Variants in RBM3 observed in about 807,000 individuals in gnomAD.
The protein encoded by RBM3 is RNA-binding protein 3.
In RBM3, 3 loss-of-function variants were observed where a neutral mutation model predicts 12.0. That is an observed-to-expected ratio of 0.25 (90% CI 0.11 to 0.65). RBM3 has a LOEUF of 0.65. Among genes scored for constraint, RBM3 ranks in the 30% least tolerant of loss-of-function variants. The pLI, the probability that RBM3 is intolerant of heterozygous loss-of-function variation, is 0.84. For synonymous variants in RBM3, 58 were observed against 45.7 expected (o/e 1.27, Z -1.08); for missense variants, 108 against 134.5 (o/e 0.80, Z 0.97).
rs1415274849 is a variant in RBM3 at position 48,575,231 on chromosome X, C to T, written c.51C>T (p.Thr17=). ...TCGTGGGAGGGCTCAACTTTAACAC[C>T]GACGAGCAGGCACTGGAAGACCACT... The part of the protein sequence containing the change: ...KLFVGGLNFN[T]DEQALEDHFS... Residue 17 remains threonine (T), a synonymous_variant, in exon 2 of 7, where the codon ACC becomes ACT. Coordinates refer to ENST00000376759, the MANE Select transcript of RBM3 (RefSeq NM_006743.5). 3 of 1,208,236 alleles carry T rather than the reference C, an allele frequency of 2.5e-6. No homozygotes were observed. Among genetic ancestry groups the T allele is most frequent in the African/African-American group, 1.8e-5 (1 of 56,946 alleles).
chrX:48,578,934 A>C lies in RBM3; in HGVS notation c.*1493A>C, dbSNP rs2062092566. 1 of 111,701 alleles carries C rather than the reference A, an allele frequency of 9.0e-6. No individual in the cohort carries two copies. Among genetic ancestry groups the C allele is most frequent in the East Asian group, 2.8e-4 (1 of 3,565 alleles). The allele number at this position is 111,701 out of a possible 1,213,427, so 9.2% of individuals were successfully genotyped here. A position where few individuals can be genotyped will look rare whatever the true frequency, so the allele number is the denominator to read the frequency against. Reference sequence around the variant, plus strand: ...TTATGTAGGGGCTCTTCTACTTCCCAGGTATTTGACCTCAGGTGAGTCATT... The same window carrying C: ...TTATGTAGGGGCTCTTCTACTTCCCCGGTATTTGACCTCAGGTGAGTCATT... On this transcript the variant is annotated 3_prime_UTR_variant, in exon 7 of 7. Transcript: ENST00000376759.
At position 48,580,894 on chromosome X, in the gene RBM3, C is replaced by T. The variant is rs1164960335; in HGVS notation, c.*3453C>T. The stretch of plus-strand genomic sequence containing the variant: ...ATAAGCCAGTGTTCTGCCATTCTTA[C>T]CTGCTTATCAAGACAAAACCTGCTC... On this transcript the variant is annotated 3_prime_UTR_variant, in exon 7 of 7. Coordinates refer to ENST00000376759, the MANE Select transcript of RBM3 (RefSeq NM_006743.5). 2 of 111,295 alleles carry T rather than the reference C, an allele frequency of 1.8e-5. No individual in the cohort carries two copies. The highest frequency in any genetic ancestry group is 3.8e-5 in the Non-Finnish European group (2 of 53,100). The allele number at this position is 111,295 out of a possible 1,213,427, so 9.2% of individuals were successfully genotyped here. A position where few individuals can be genotyped will look rare whatever the true frequency, so the allele number is the denominator to read the frequency against.
chrX:48,575,164 A>C lies in RBM3; in HGVS notation c.-13-4A>C. The C allele has an allele frequency of 5.1e-6, 6 of 1,172,544 alleles. No individual in the cohort carries two copies. The highest frequency in any genetic ancestry group is 6.9e-6 in the Non-Finnish European group (6 of 863,816). On this transcript the variant is annotated splice_polypyrimidine_tract_variant and splice_region_variant and intron_variant, in intron 1 of 6. Coordinates refer to ENST00000376759, the MANE Select transcript of RBM3 (RefSeq NM_006743.5). ...TGCCACCATTCTTCATGTTCTTCCC[A>C]CAGGACTTGAACTGCCATGTCCTCT... is the stretch of plus-strand genomic sequence containing the variant.
intron 3 of RBM3, chrX:48,576,105 A>G: frequency 5.2e-6 from 6 of 1,149,396 alleles, no homozygotes; most frequent in East Asian, 3.3e-5. Flanking sequence ...CAAGGGGAAC[A>G]TGGTGCATTC....
chrX:48,576,706 G>A (rs1556989368), intron 5 of RBM3, 102 bp downstream of exon 5: 2 of 1,080,621 alleles, frequency 1.9e-6, no homozygotes, highest in African/African-American at 3.8e-5. Flanking sequence ...TTACTAATGT[G>A]TACCTAAAAT....
chrX:48,577,405 G>A (rs1556989577), intron 6 of RBM3, 60 bp from the exon 7 acceptor site: 2 of 877,360 alleles, frequency 2.3e-6, no homozygotes, highest in African/African-American at 4.0e-5. Context: ...TCTAGGAGGT[G>A]AGCATGTTGT....
rs1006112553 is a variant in RBM3, at chrX:48,575,735, C to T, written c.210+68C>T. On this transcript the variant is annotated intron_variant, in intron 3 of 6. Coordinates refer to ENST00000376759, the MANE Select transcript of RBM3 (RefSeq NM_006743.5). ...GCTTCCTTCATTCTTTTTGTTTTTC[C>T]CTCTGTGTCTGCTCGGGGCAGCGTG... 17 of 1,023,245 alleles carry T rather than the reference C, an allele frequency of 1.7e-5. 1 individual carries two copies. Among genetic ancestry groups the T allele is most frequent in the Middle Eastern group, 2.6e-4 (1 of 3,893 alleles). 84.3% of individuals were successfully genotyped at this position (1,023,245 alleles called of 1,213,427 possible).
In RBM3 at chrX:48,575,610, C is replaced by T; in HGVS notation, c.153C>T (p.Phe51=). Residue 51 remains phenylalanine (F), a synonymous_variant, in exon 3 of 7, where the codon TTC becomes TTT. Transcript: ENST00000376759. ...RETQRSRGFG[F]ITFTNPEHAS... The stretch of plus-strand genomic sequence containing the variant: ...CTCAGCGGTCCAGGGGTTTTGGTTT[C>T]ATCACCTTCACCAACCCAGAGCATG... 2 of 1,211,858 alleles carry T rather than the reference C, an allele frequency of 1.7e-6. No individual in the cohort carries two copies. The highest frequency in any genetic ancestry group is 2.2e-6 in the Non-Finnish European group (2 of 895,479).
chrX:48,574,814 C>G, intron 1 of RBM3: 1 of 339,624 alleles, frequency 2.9e-6, no homozygotes, highest in Non-Finnish European at 5.7e-6. Flanking sequence ...GCAGTGACCA[C>G]GCGACAGCCG....
intron 6 of RBM3, 150 bp downstream of exon 6, chrX:48,577,259 C>A: frequency 9.0e-7 from 1 of 1,114,648 alleles, no homozygotes; most frequent in South Asian, 2.2e-5. Context: ...GCCTTCCTTG[C>A]TCTCAGGTGC....
At position 48,580,358 on chromosome X, in the gene RBM3, AAAT is replaced by A. The variant is rs1413638480; in HGVS notation, c.*2925_*2927del. 9.0e-6 allele frequency among the ~76,000 whole-genome samples: 1 copy of A among 111,629 alleles called. No homozygotes were observed. Among genetic ancestry groups the A allele is most frequent in the Admixed American group, 9.6e-5 (1 of 10,372 alleles). ...CTCAGTTATAACATCCATAAAATGG[AAAT>A]AATAATACCCACCTCACACAGGGGT... On this transcript the variant is annotated 3_prime_UTR_variant, in exon 7 of 7. Transcript: ENST00000376759.
rs1209612421 is a variant in RBM3 at position 48,574,969 on chromosome X, CT to C, written c.-13-198del. The C allele has an allele frequency of 1.8e-5, 8 of 450,187 alleles. No homozygotes were observed. The African/African-American group carries it at 1.9e-4, about 11-fold the overall frequency. 37.1% of individuals were successfully genotyped at this position (450,187 alleles called of 1,213,427 possible). The stretch of plus-strand genomic sequence containing the variant: ...GTGAGAGCATGCGCAATGTGGCCCC[CT>C]AATGGTGGCTGCGCTGAGCCAGCTC... On this transcript the variant is annotated intron_variant, in intron 1 of 6. Coordinates refer to ENST00000376759, the MANE Select transcript of RBM3 (RefSeq NM_006743.5).
chrX:48,575,780 C>T, intron 3 of RBM3, 113 bp downstream of exon 3: 1 of 727,117 alleles, frequency 1.4e-6, no homozygotes, highest in South Asian at 2.7e-5. Flanking sequence ...CCCCGCAGTG[C>T]CCACTCACAG....
intron 1 of RBM3, 110 bp from the exon 2 acceptor site, chrX:48,575,058 C>T: frequency 5.2e-6 from 3 of 574,131 alleles, no homozygotes; most frequent in East Asian, 3.6e-5. Context: ...TATTTTGTTC[C>T]TCTTTCTTGT....
Position 48,578,336 on chromosome X carries a change from G to T in RBM3, c.*895G>T, listed in dbSNP as rs1602133924. 9.0e-6 allele frequency: 1 copy of T among 111,278 alleles called. No homozygotes were observed. Among genetic ancestry groups the T allele is most frequent in the South Asian group, 3.7e-4 (1 of 2,694 alleles). 9.2% of individuals were successfully genotyped at this position (111,278 alleles called of 1,213,427 possible). A position where few individuals can be genotyped will look rare whatever the true frequency, so the allele number is the denominator to read the frequency against. ...CCCATTTTGCAAATTAAAAGTGGGG[G>T]CAGAGGTGGGCGGATCACCTGAGGT... On this transcript the variant is annotated 3_prime_UTR_variant, in exon 7 of 7. Transcript: ENST00000376759.
intron 6 of RBM3, 42 bp downstream of exon 6, chrX:48,577,151 ACT>A (rs781977508): frequency 1.8e-5 from 22 of 1,207,886 alleles, no homozygotes; most frequent in Non-Finnish European, 2.5e-5. Context: ...TGTTTGTCAC[ACT>A]CTGTCATGAC....
chrX:48,576,084 G>GCTT, intron 3 of RBM3: 1 of 1,134,208 alleles, frequency 8.8e-7, no homozygotes, highest in Non-Finnish European at 1.2e-6. Context: ...CAGTCAAGAT[G>GCTT]TAAGTAGTAG....
At chrX:48,576,732 C>T (rs1248323959) in intron 5 of RBM3, 128 bp downstream of exon 5, 4 of 1,023,625 alleles carry the variant, frequency 3.9e-6, no homozygotes, top group Non-Finnish European at 5.1e-6. Flanking sequence ...TGAAATTTAG[C>T]ATTTTAAGTT....
At chrX:48,574,701 G>C (rs2062071864) in intron 1 of RBM3, 128 bp downstream of exon 1, 1 of 330,243 alleles carries the variant, frequency 3.0e-6, no homozygotes, top group African/African-American at 2.6e-5. Flanking sequence ...CTCTGGGACG[G>C]GCGGGTCCCG....
Sources: gnomAD v4.1 joint callset for allele counts (sites outside exome capture counted in the v4.1 genomes callset) on GRCh38, gnomAD v4.1.1 for gene constraint, MANE v1.5 for transcripts, NCBI Gene and HGNC (gene_info 2026-07-23, HGNC 2026-07-21) for gene names.